Variants in TCF20 observed in about 807,000 individuals in gnomAD.
TCF20 encodes transcription factor 20.
Under a neutral mutation model 148.6 loss-of-function variants are expected in TCF20, and 3 were observed. That is an observed-to-expected ratio of 0.02 (90% CI 0.01 to 0.05). The LOEUF (loss-of-function observed/expected upper bound fraction) is 0.05. Ranked by LOEUF, TCF20 falls within the 10% of genes least tolerant of loss-of-function variation. The pLI, the probability that TCF20 is intolerant of heterozygous loss-of-function variation, is 1.00. For missense variants in TCF20, 2,350 were observed against 2,429.3 expected (o/e 0.97, Z 0.69); for synonymous variants, 1,049 against 909.5 (o/e 1.15, Z -2.76).
upstream of TCF20, among the ~76,000 whole-genome samples, chr22:42,284,972 A>C (rs1162916659): frequency 6.6e-6 from 1 of 152,216 alleles, no homozygotes; most frequent in East Asian, 1.9e-4. Flanking sequence ...CCTTGACCTG[A>C]GCCGCCTACT....
chr22:42,215,066 C>A lies in TCF20; in HGVS notation c.240G>T (p.Gln80His). The A allele has an allele frequency of 3.1e-6, 5 of 1,614,222 alleles. No individual in the cohort carries two copies. The highest frequency in any genetic ancestry group is 4.2e-6 in the Non-Finnish European group (5 of 1,180,042). ...AATCTCCAGCCTCTTTCCTGAAACCCTGGTAACCTTGATGGCCAGAGGTCT... is the reference window on the plus strand; with the variant it reads ...AATCTCCAGCCTCTTTCCTGAAACCATGGTAACCTTGATGGCCAGAGGTCT... ...ASETSGHQGY[Q>H]GFRKEAGDFY... The change falls in exon 2 of 6, where the codon CAG (glutamine) becomes CAT (histidine). Residue 80 changes from glutamine to histidine, a missense_variant. Physicochemically the swap from Gln to His is conservative, Grantham distance 24. This residue lies in a region of TCF20 where 1,641 missense variants were observed against 1,662.6 expected (regional missense o/e 0.99). Transcript: ENST00000677622.
At chr22:42,235,095 T>C (rs1923761166) in intron 1 of TCF20, among the ~76,000 whole-genome samples, 1 of 148,734 alleles carries the variant, frequency 6.7e-6, no homozygotes, top group Non-Finnish European at 1.5e-5. Context: ...TGAGCCGAGA[T>C]CGTGCCACTG....
intron 1 of TCF20, among the ~76,000 whole-genome samples, chr22:42,311,106 G>C (rs1165269684): frequency 6.6e-6 from 1 of 152,146 alleles, no homozygotes; most frequent in East Asian, 1.9e-4. Context: ...GGAATCGGGG[G>C]ACAGGGGGGT....
At chr22:42,169,797 G>A (rs1160061737) in intron 4 of TCF20, 50 bp downstream of exon 4, 3 of 1,601,610 alleles carry the variant, frequency 1.9e-6, no homozygotes, top group Non-Finnish European at 1.7e-6. Flanking sequence ...TTCAGGAGGA[G>A]CCACCCTCGA....
chr22:42,216,379 T>C (rs910745548), intron 1 of TCF20, among the ~76,000 whole-genome samples: 8 of 152,196 alleles, frequency 5.3e-5, no homozygotes, highest in Non-Finnish European at 1.2e-4. Context: ...TATGTCCAAG[T>C]GCAAATTTTT....
upstream of TCF20, among the ~76,000 whole-genome samples, chr22:42,273,020 A>AT (rs1926677254): frequency 6.6e-6 from 1 of 151,402 alleles, no homozygotes; most frequent in African/African-American, 2.5e-5. Context: ...AAAAGAAAAA[A>AT]ATTTTTTTTT....
At chr22:42,339,566 G>T (rs1349800252) in intron 1 of TCF20, among the ~76,000 whole-genome samples, 1 of 152,210 alleles carries the variant, frequency 6.6e-6, no homozygotes, top group Non-Finnish European at 1.5e-5. Flanking sequence ...CAAAAACGGC[G>T]CTCACTCTGC....
intron 3 of TCF20, among the ~76,000 whole-genome samples, chr22:42,174,232 A>T (rs952875590): frequency 2.6e-5 from 4 of 152,098 alleles, no homozygotes; most frequent in African/African-American, 9.7e-5. Context: ...AAAAAAAAAA[A>T]TTCATTTCCT....
chr22:42,320,519 C>T (rs757303576), intron 1 of TCF20, among the ~76,000 whole-genome samples: 5 of 152,220 alleles, frequency 3.3e-5, no homozygotes, highest in Admixed American at 3.3e-4. Flanking sequence ...TCCCAGCCCC[C>T]GGCCTGCACT....
Position 42,303,784 on chromosome 22 carries a change from G to T in TCF20, c.-37+39695C>A, listed in dbSNP as rs571188020. ...GGCCAAAGGGAGGAGGAAGAGGACTGGGGGAGAAGAGGAAGCATAGAGGTG... is the reference window on the plus strand; with the variant it reads ...GGCCAAAGGGAGGAGGAAGAGGACTTGGGGAGAAGAGGAAGCATAGAGGTG... On this transcript the variant is annotated intron_variant, in intron 1 of 1. Coordinates refer to the TCF20 transcript ENST00000515426. Among the ~76,000 whole-genome samples, 13 of 152,156 alleles carry T rather than the reference G, an allele frequency of 8.5e-5. No individual in the cohort carries two copies. The East Asian group carries it at 2.5e-3, about 29-fold the overall frequency.
rs1179788337 is a variant in TCF20 at position 42,290,829 on chromosome 22, G to A, written c.-37+52650C>T. Among the ~76,000 whole-genome samples, 1 of 152,222 alleles carries A rather than the reference G, an allele frequency of 6.6e-6. No individual in the cohort carries two copies. Among genetic ancestry groups the A allele is most frequent in the Non-Finnish European group, 1.5e-5 (1 of 68,028 alleles). On this transcript the variant is annotated intron_variant, in intron 1 of 1. Coordinates refer to the TCF20 transcript ENST00000515426. This position sits in a 1 kb window ranked among gnomAD's most constrained non-coding sequence, Gnocchi z 4.2. ...CACACAGGGGCCTTGGGGCAGGCCTGCTGCCCATCCTGGTCCACTGAAGAC... is the reference window on the plus strand; with the variant it reads ...CACACAGGGGCCTTGGGGCAGGCCTACTGCCCATCCTGGTCCACTGAAGAC...
Position 42,210,449 on chromosome 22 carries a change from C to A in TCF20, c.4857G>T (p.Gln1619His). Reference protein sequence around the residue: ...EPEIKLKYATQPLDKTDAKNK... With the variant: ...EPEIKLKYATHPLDKTDAKNK... ...TCTTGGCATCAGTTTTATCCAGTGG[C>A]TGGGTGGCATATTTTAGTTTGATCT... is the stretch of plus-strand genomic sequence containing the variant. The change falls in exon 2 of 6, where the codon CAG (glutamine) becomes CAT (histidine). Residue 1619 changes from glutamine to histidine, a missense_variant. Transcript: ENST00000677622. This position sits in a 1 kb window ranked among gnomAD's most constrained non-coding sequence, Gnocchi z 4.7. 6.2e-7 allele frequency: 1 copy of A among 1,614,232 alleles called. No homozygotes were observed. The highest frequency in any genetic ancestry group is 8.5e-7 in the Non-Finnish European group (1 of 1,180,048).
chr22:42,312,226 C>T (rs1927549010), intron 1 of TCF20, among the ~76,000 whole-genome samples: 2 of 152,214 alleles, frequency 1.3e-5, no homozygotes. Flanking sequence ...GGGATTACAG[C>T]AGCAAGGACT....
chr22:42,297,874 A>G lies in TCF20; in HGVS notation c.-37+45605T>C, dbSNP rs1927263858. Among the ~76,000 whole-genome samples the G allele has an allele frequency of 6.6e-6, 1 of 152,140 alleles. No homozygotes were observed. Among genetic ancestry groups the G allele is most frequent in the African/African-American group, 2.4e-5 (1 of 41,424 alleles). Reference sequence around the variant, plus strand: ...AAGGAACACATGGAGGGTTCACAGCAGGGCTCCTCTCTGGCACCCATGCAG... The same window carrying G: ...AAGGAACACATGGAGGGTTCACAGCGGGGCTCCTCTCTGGCACCCATGCAG... On this transcript the variant is annotated intron_variant, in intron 1 of 1. Transcript: ENST00000515426. This position sits in a 1 kb window ranked among gnomAD's most constrained non-coding sequence, Gnocchi z 4.3.
chr22:42,223,915 T>C (rs142189682), intron 1 of TCF20, among the ~76,000 whole-genome samples: 173 of 152,308 alleles, frequency 1.1e-3, no homozygotes, highest in African/African-American at 4.0e-3. Context: ...CTTAGTGTAA[T>C]AGGACTTCAG....
intron 1 of TCF20, among the ~76,000 whole-genome samples, chr22:42,226,480 A>G (rs1338051447): frequency 6.6e-6 from 1 of 152,176 alleles, no homozygotes; most frequent in Non-Finnish European, 1.5e-5. Flanking sequence ...AGGCAGGCAG[A>G]TCACACCTGA....
intron 2 of TCF20, among the ~76,000 whole-genome samples, chr22:42,200,767 C>T (rs1032889144): frequency 2.0e-5 from 3 of 152,118 alleles, no homozygotes; most frequent in Non-Finnish European, 4.4e-5. Context: ...ACAAATTAAT[C>T]CCACAGCCTC....
At chr22:42,320,856 G>C (rs1214746883) in intron 1 of TCF20, among the ~76,000 whole-genome samples, 1 of 152,198 alleles carries the variant, frequency 6.6e-6, no homozygotes, top group Non-Finnish European at 1.5e-5. Context: ...GGCAGGAAAT[G>C]CCTCTCATGA....
At chr22:42,222,963 A>G (rs935360759) in intron 1 of TCF20, among the ~76,000 whole-genome samples, 8 of 152,308 alleles carry the variant, frequency 5.3e-5, no homozygotes, top group African/African-American at 1.9e-4. Context: ...CATGGGCAAC[A>G]TAACAAGACC....
Sources: allele counts gnomAD v4.1 joint callset (sites outside exome capture counted in the v4.1 genomes callset), GRCh38; gene constraint gnomAD v4.1.1; regional missense constraint gnomAD v4.1.1; non-coding constraint Gnocchi (gnomAD v3.1); transcripts MANE v1.5; gene names NCBI Gene and HGNC (gene_info 2026-07-23, HGNC 2026-07-21).